The following QTRT2 variants were observed in gnomAD, a reference collection of about 807,000 sequenced individuals.
The protein encoded by QTRT2 is queuine tRNA-ribosyltransferase domain containing 1.
A neutral mutation model predicts 44.8 loss-of-function variants in QTRT2; 32 were observed. The observed-to-expected ratio is 0.71, with a 90% CI of 0.54 to 0.96. The LOEUF (loss-of-function observed/expected upper bound fraction) is 0.96. Among genes scored for constraint, QTRT2 ranks in the 40% least tolerant of loss-of-function variants. The pLI, the probability that QTRT2 is intolerant of heterozygous loss-of-function variation, is 0.00. For synonymous variants in QTRT2, 182 were observed against 187.4 expected (o/e 0.97, Z 0.24); for missense variants, 461 against 503.1 (o/e 0.92, Z 0.80).
At chr3:114,064,121 A>G (rs1430242224) in intron 2 of QTRT2, among the ~76,000 whole-genome samples, 2 of 152,124 alleles carry the variant, frequency 1.3e-5, no homozygotes, top group African/African-American at 4.8e-5. Flanking sequence ...AGGCTGAGGC[A>G]GGAGAATCTC....
chr3:114,075,978 G>A (rs2077085889), intron 6 of QTRT2, among the ~76,000 whole-genome samples: 1 of 152,182 alleles, frequency 6.6e-6, no homozygotes, highest in African/African-American at 2.4e-5. Context: ...TGGATGGTGT[G>A]TAGTAGTGGT....
chr3:114,065,802 T>C (rs1312223315), intron 3 of QTRT2, among the ~76,000 whole-genome samples: 1 of 146,464 alleles, frequency 6.8e-6, no homozygotes, highest in East Asian at 2.3e-4. Context: ...TTTTCTGCCT[T>C]TGCACATATA....
intron 2 of QTRT2, among the ~76,000 whole-genome samples, chr3:114,058,077 G>A (rs2076829543): frequency 6.6e-6 from 1 of 152,204 alleles, no homozygotes; most frequent in South Asian, 2.1e-4. Context: ...TACATAAAAT[G>A]CAGATAATAA....
At chr3:114,057,956 T>A (rs902006047) in intron 2 of QTRT2, among the ~76,000 whole-genome samples, 6 of 152,224 alleles carry the variant, frequency 3.9e-5, no homozygotes, top group Non-Finnish European at 8.8e-5. Flanking sequence ...AGATGGAACT[T>A]CTAATAAGCT....
chr3:114,063,770 A>G (rs1320288668), intron 2 of QTRT2, among the ~76,000 whole-genome samples: 1 of 152,136 alleles, frequency 6.6e-6, no homozygotes, highest in Non-Finnish European at 1.5e-5. Context: ...AAAGATGGCT[A>G]TTTTATTTAA....
At chr3:114,079,455 T>C (rs942200256) in intron 7 of QTRT2, 1 of 153,802 alleles carries the variant, frequency 6.5e-6, no homozygotes, top group African/African-American at 2.4e-5. Flanking sequence ...GGCAGGAGAA[T>C]TACTCCCGGA....
At chr3:114,059,824 T>C (rs2076858482) in intron 2 of QTRT2, among the ~76,000 whole-genome samples, 1 of 152,230 alleles carries the variant, frequency 6.6e-6, no homozygotes, top group South Asian at 2.1e-4. Context: ...GGTGGAACTT[T>C]TATGAAGCCC....
Position 114,056,809 on chromosome 3 carries a change from A to C in QTRT2, c.-185A>C, listed in dbSNP as rs1389625857. Reference sequence around the variant, plus strand: ...AGAATTTTGCAACACGTGGTAGTGAACTGTGAGGAGTTTGAGGGGTCTGAA... The same window carrying C: ...AGAATTTTGCAACACGTGGTAGTGACCTGTGAGGAGTTTGAGGGGTCTGAA... On this transcript the variant is annotated 5_prime_UTR_variant, in exon 1 of 10. Coordinates refer to ENST00000281273, the MANE Select transcript of QTRT2 (RefSeq NM_024638.4). The C allele has an allele frequency of 6.5e-7, 1 of 1,533,852 alleles. No homozygotes were observed. Among genetic ancestry groups the C allele is most frequent in the East Asian group, 2.4e-5 (1 of 40,898 alleles).
chr3:114,073,671 G>T (rs1236406119), intron 6 of QTRT2, among the ~76,000 whole-genome samples: 5 of 152,002 alleles, frequency 3.3e-5, no homozygotes, highest in African/African-American at 1.2e-4. Flanking sequence ...GAGTCACCGC[G>T]CCCGGCCTTA....
intron 9 of QTRT2, among the ~76,000 whole-genome samples, chr3:114,084,589 C>A (rs888719076): frequency 1.3e-5 from 2 of 152,100 alleles, no homozygotes; most frequent in African/African-American, 2.4e-5. Context: ...CCTGTTCCCC[C>A]CTCAAAAAAA....
At chr3:114,073,460 A>G (rs2107797041) in intron 6 of QTRT2, among the ~76,000 whole-genome samples, 1 of 151,896 alleles carries the variant, frequency 6.6e-6, no homozygotes, top group East Asian at 1.9e-4. Flanking sequence ...GCTCACTGCA[A>G]CCTCTGCCTC....
rs1031514046 is a variant in QTRT2, at chr3:114,065,378, T to C, written c.121T>C (p.Ser41Pro). ...CTGCCTTCTGTATACCAAGACTGGC[T>C]CCGCCCCACACCTCACCCATCACAC... The part of the protein sequence containing the change: ...PGCLLYTKTG[S>P]APHLTHHTLH... Residue 41 changes from serine (S) to proline (P), a missense_variant, in exon 3 of 10, where the codon TCC becomes CCC. Coordinates refer to ENST00000281273, the MANE Select transcript of QTRT2 (RefSeq NM_024638.4). 2.5e-6 allele frequency: 4 copies of C among 1,614,008 alleles called. No individual in the cohort carries two copies. In the African/African-American group the frequency reaches 4.0e-5, roughly 16 times the overall value.
intron 2 of QTRT2, among the ~76,000 whole-genome samples, chr3:114,058,821 G>A (rs150624513): frequency 2.6e-5 from 4 of 152,092 alleles, no homozygotes; most frequent in Non-Finnish European, 5.9e-5. Flanking sequence ...GTGAGCCACC[G>A]TGCCCGGCCA....
intron 9 of QTRT2, among the ~76,000 whole-genome samples, chr3:114,083,850 T>A (rs2077199766): frequency 6.6e-6 from 1 of 152,178 alleles, no homozygotes; most frequent in South Asian, 2.1e-4. Flanking sequence ...TTTTTTTCTG[T>A]CATCCACTGA....
rs1017824867 is a variant in QTRT2 at position 114,076,756 on chromosome 3, G to C, written c.560G>C (p.Ser187Thr). 8.1e-6 allele frequency: 13 copies of C among 1,614,192 alleles called. No individual in the cohort carries two copies. The highest frequency in any genetic ancestry group is 1.0e-5 in the Non-Finnish European group (12 of 1,179,986). Residue 187 changes from serine (S) to threonine (T), a missense_variant, in exon 7 of 10, where the codon AGT becomes ACT. Ser to Thr is a moderately conservative substitution (Grantham distance 58, BLOSUM62 1). Transcript: ENST00000281273. ...TTCTTACCTCAGGTTCTTCAGAAGA[G>C]TGTGATCATTGGAGTGATTGAAGGT... The part of the protein sequence containing the change: ...LQEESEVLQK[S>T]VIIGVIEGGD...
intron 2 of QTRT2, 64 bp from the exon 3 acceptor site, chr3:114,065,172 TG>T: frequency 4.5e-6 from 5 of 1,112,148 alleles, no homozygotes; most frequent in African/African-American, 3.1e-5. Context: ...TTTTTTTTTT[TG>T]CAAAATGCTT....
chr3:114,083,311 C>CTGT (rs1196008040), intron 9 of QTRT2, among the ~76,000 whole-genome samples: 7 of 84,908 alleles, frequency 8.2e-5, no homozygotes, highest in Non-Finnish European at 1.1e-4. Context: ...GCTGTTGCTG[C>CTGT]TGCTGTTGTT....
At chr3:114,069,429 T>C (rs559101652) in intron 5 of QTRT2, among the ~76,000 whole-genome samples, 2 of 152,282 alleles carry the variant, frequency 1.3e-5, no homozygotes, top group South Asian at 2.1e-4. Context: ...CAGTGTCTGT[T>C]GTTCCCTTCT....
chr3:114,072,957 G>T (rs1415234856), intron 6 of QTRT2, among the ~76,000 whole-genome samples: 1 of 152,232 alleles, frequency 6.6e-6, no homozygotes, highest in Non-Finnish European at 1.5e-5. Context: ...GATCATGTAT[G>T]TGGAGTAATC....
Sources: gnomAD v4.1 joint callset for allele counts (sites outside exome capture counted in the v4.1 genomes callset) on GRCh38, gnomAD v4.1.1 for gene constraint, MANE v1.5 for transcripts, NCBI Gene and HGNC (gene_info 2026-07-23, HGNC 2026-07-21) for gene names.